CCDC187: variants seen among roughly 807,000 people sequenced by gnomAD.
CCDC187 encodes the protein coiled-coil domain-containing protein 187.
Under a neutral mutation model 38.0 loss-of-function variants are expected in CCDC187, and 32 were observed. That is an observed-to-expected ratio of 0.84 (90% CI 0.64 to 1.13). The LOEUF (loss-of-function observed/expected upper bound fraction) is 1.13. CCDC187 is among the 50% of genes most tolerant of loss of function. The probability of loss-of-function intolerance (pLI) is 0.00; values close to 1 mark genes in which losing one functional copy is unlikely to be tolerated. For missense variants in CCDC187, 707 were observed against 786.8 expected, an observed-to-expected ratio of 0.90 and a Z score of 1.21; for synonymous variants, 333 against 347.9, an observed-to-expected ratio of 0.96 and a Z score of 0.48.
chr9:136,293,259 T>C (rs1260222302), intron 4 of CCDC187, among the ~76,000 whole-genome samples: 1 of 125,862 alleles, frequency 7.9e-6, no homozygotes. Context: ...GCTTACACAC[T>C]CACTCATGCT....
Position 136,253,081 on chromosome 9 carries a change from G to C in CCDC187, c.*513C>G, listed in dbSNP as rs1554759768. ...TCCTGTTCTTACCCAGCATTTCTTTGGGGTCTTGGCCCCTGGTGGGGGTCT... is the reference window on the plus strand; with the variant it reads ...TCCTGTTCTTACCCAGCATTTCTTTCGGGTCTTGGCCCCTGGTGGGGGTCT... On this transcript the variant is annotated 3_prime_UTR_variant, in exon 26 of 26. Transcript: ENST00000638797. 6.6e-6 allele frequency: 1 copy of C among 152,420 alleles called. No individual in the cohort carries two copies. Among genetic ancestry groups the C allele is most frequent in the Non-Finnish European group, 1.5e-5 (1 of 68,272 alleles). The allele number at this position is 152,420 out of a possible 1,614,324, so 9.4% of individuals were successfully genotyped here. A position where few individuals can be genotyped will look rare whatever the true frequency, so the allele number is the denominator to read the frequency against.
At chr9:136,293,841 C>G (rs979809226) in intron 4 of CCDC187, among the ~76,000 whole-genome samples, 1 of 99,394 alleles carries the variant, frequency 1.0e-5, no homozygotes, top group Non-Finnish European at 2.1e-5. Context: ...ACCACACACT[C>G]GTTCTCACAC....
chr9:136,275,674 C>T (rs977445782), intron 12 of CCDC187, among the ~76,000 whole-genome samples: 2 of 152,226 alleles, frequency 1.3e-5, no homozygotes, highest in African/African-American at 4.8e-5. Context: ...AGGGTCACCG[C>T]TCCTCGGACT....
chr9:136,262,529 G>T lies in CCDC187; in HGVS notation c.3913-67C>A, dbSNP rs527774676. ...GCCCATTTCCTCCTCAGAAAAGCTG[G>T]TGGCTTCACGTGGCTGTGGCTGTGG... On this transcript the variant is annotated intron_variant, in intron 18 of 25. Transcript: ENST00000638797. 9.1e-6 allele frequency: 9 copies of T among 984,852 alleles called. No individual in the cohort carries two copies. The South Asian group carries it at 4.2e-4, about 46-fold the overall frequency. 61.0% of individuals were successfully genotyped at this position (984,852 alleles called of 1,614,324 possible). A position where few individuals can be genotyped will look rare whatever the true frequency, so the allele number is the denominator to read the frequency against.
intron 3 of CCDC187, among the ~76,000 whole-genome samples, chr9:136,300,001 G>A (rs1458161970): frequency 6.6e-6 from 1 of 152,238 alleles, no homozygotes; most frequent in Non-Finnish European, 1.5e-5. Flanking sequence ...GCCCTGCAGG[G>A]CCTGCCTGGG....
At chr9:136,304,263 C>T (rs928938845), upstream of CCDC187, among the ~76,000 whole-genome samples, 6 of 152,008 alleles carry the variant, frequency 3.9e-5, no homozygotes, top group Non-Finnish European at 7.4e-5. Flanking sequence ...GGAATGGGGC[C>T]GGGCTGGGCT....
At chr9:136,292,826 G>C (rs1442342059) in intron 4 of CCDC187, among the ~76,000 whole-genome samples, 1 of 152,220 alleles carries the variant, frequency 6.6e-6, no homozygotes, top group Non-Finnish European at 1.5e-5. Flanking sequence ...GCAGTCACAC[G>C]GGTGGGCAGC....
intron 8 of CCDC187, 71 bp downstream of exon 8, chr9:136,286,014 G>A: frequency 2.5e-6 from 1 of 397,736 alleles, no homozygotes; most frequent in Non-Finnish European, 4.4e-6. Flanking sequence ...AGAAAATGGG[G>A]TCCCCATTCC....
chr9:136,292,068 C>A (rs1318123290), intron 5 of CCDC187, 93 bp downstream of exon 5: 1 of 398,322 alleles, frequency 2.5e-6, no homozygotes, highest in African/African-American at 2.1e-5. Flanking sequence ...CTCTTCCTTC[C>A]AGGCGGCCTG....
intron 14 of CCDC187, among the ~76,000 whole-genome samples, chr9:136,272,041 G>A (rs1249298254): frequency 6.6e-6 from 1 of 152,102 alleles, no homozygotes; most frequent in African/African-American, 2.4e-5. Context: ...GTACTGAAAG[G>A]GAAAAACTGC....
chr9:136,301,537 T>G (rs1313626303), intron 2 of CCDC187, among the ~76,000 whole-genome samples: 1 of 151,622 alleles, frequency 6.6e-6, no homozygotes, highest in Non-Finnish European at 1.5e-5. Context: ...CATGGAATCA[T>G]GCACTTTAAA....
intron 4 of CCDC187, among the ~76,000 whole-genome samples, chr9:136,293,315 TCACACTCACATGCTTACACACTCA>T (rs1831400959): frequency 8.1e-6 from 1 of 122,916 alleles, no homozygotes; most frequent in African/African-American, 3.3e-5. Flanking sequence ...GTTCACACAC[TCACACTCACATGCTTACACACTCA>T]CACTCACATG....
intron 10 of CCDC187, among the ~76,000 whole-genome samples, chr9:136,277,682 C>T (rs1255588887): frequency 1.3e-5 from 2 of 152,152 alleles, no homozygotes; most frequent in Non-Finnish European, 2.9e-5. Flanking sequence ...TCCTTGGTGG[C>T]CCCAAGTCCC....
chr9:136,255,748 G>A lies in CCDC187; in HGVS notation c.4617-15C>T, dbSNP rs62579881. 0.18 allele frequency: 176,009 copies of A among 983,590 alleles called. 16,432 individuals are homozygous for A. The highest frequency in any genetic ancestry group is 0.25 in the Admixed American group (4,114 of 16,270). 60.9% of individuals were successfully genotyped at this position (983,590 alleles called of 1,614,324 possible). ...AGGCCTCCGTCCTGCAAGCACATTC[G>A]TGGAGAACCCTGTGGGGATCCTGGT... On this transcript the variant is annotated splice_polypyrimidine_tract_variant and intron_variant, in intron 24 of 25. Coordinates refer to ENST00000638797, the MANE Select transcript of CCDC187 (RefSeq NM_001378188.1).
chr9:136,267,279 G>T (rs1588654156), intron 16 of CCDC187, 105 bp downstream of exon 16: 1 of 820,086 alleles, frequency 1.2e-6, no homozygotes, highest in Non-Finnish European at 1.5e-6. Flanking sequence ...GGGGCCACGG[G>T]CGGGACCCGG....
Position 136,258,328 on chromosome 9 carries a change from G to A in CCDC187, c.4366+604C>T, listed in dbSNP as rs781683264. On this transcript the variant is annotated intron_variant, in intron 22 of 25. Transcript: ENST00000638797. This position sits in a 1 kb window ranked among gnomAD's most constrained non-coding sequence, Gnocchi z 4.3. ...CCCCCCAGTCTATGCCACCCCCCTT[G>A]GGTGGCATAGTCTCCCTGCTTCCGA... is the stretch of plus-strand genomic sequence containing the variant. Among the ~76,000 whole-genome samples the A allele has an allele frequency of 1.5e-4, 23 of 152,148 alleles. No homozygotes were observed. The highest frequency in any genetic ancestry group is 2.2e-4 in the Non-Finnish European group (15 of 68,000).
chr9:136,252,596 A>T lies in CCDC187; in HGVS notation c.*998T>A, dbSNP rs1180632475. On this transcript the variant is annotated 3_prime_UTR_variant, in exon 26 of 26. Transcript: ENST00000638797. Reference sequence around the variant, plus strand: ...GGCCGCCCGGCCGGTCCACCCTGGGAAAGTCCAGGCCTCTAGGTTCTTACT... The same window carrying T: ...GGCCGCCCGGCCGGTCCACCCTGGGTAAGTCCAGGCCTCTAGGTTCTTACT... 5.8e-6 allele frequency: 1 copy of T among 172,688 alleles called. No homozygotes were observed. The highest frequency in any genetic ancestry group is 1.3e-5 in the Non-Finnish European group (1 of 79,806). The allele number at this position is 172,688 out of a possible 1,614,324, so 10.7% of individuals were successfully genotyped here.
chr9:136,260,418 G>A (rs1190020349), intron 19 of CCDC187, among the ~76,000 whole-genome samples, 154 bp from the exon 20 acceptor site: 1 of 150,920 alleles, frequency 6.6e-6, no homozygotes, highest in East Asian at 2.0e-4. Context: ...GCAGAAGACG[G>A]GACTGTGACC....
chr9:136,297,888 C>A (rs1831574988), intron 3 of CCDC187, 67 bp from the exon 4 acceptor site: 3 of 395,274 alleles, frequency 7.6e-6, no homozygotes, highest in Non-Finnish European at 1.3e-5. Flanking sequence ...ACGGGCCCCC[C>A]ACGTGGCTAC....
Sources: allele counts gnomAD v4.1 joint callset (sites outside exome capture counted in the v4.1 genomes callset), GRCh38; gene constraint gnomAD v4.1.1; non-coding constraint Gnocchi (gnomAD v3.1); transcripts MANE v1.5; gene names NCBI Gene and HGNC (gene_info 2026-07-23, HGNC 2026-07-21).